FGF14: variants seen among roughly 807,000 people sequenced by gnomAD.
FGF14 encodes fibroblast growth factor 14.
Under a neutral mutation model 25.5 loss-of-function variants are expected in FGF14, and 5 were observed. The observed-to-expected ratio is 0.20, with a 90% CI of 0.10 to 0.41. The LOEUF is 0.41. Among genes scored for constraint, FGF14 ranks in the 10% least tolerant of loss-of-function variants. The probability of loss-of-function intolerance (pLI) is 1.00; values close to 1 mark genes in which losing one functional copy is unlikely to be tolerated. For synonymous variants in FGF14, 138 were observed against 118.3 expected (o/e 1.17, Z -1.08); for missense variants, 222 against 320.1 (o/e 0.69, Z 2.34).
intron 1 of FGF14, among the ~76,000 whole-genome samples, chr13:102,318,200 G>A (rs1374426364): frequency 6.6e-6 from 1 of 152,128 alleles, no homozygotes; most frequent in Non-Finnish European, 1.5e-5. Context: ...CAAGCAGTGG[G>A]AAGATCTAAA....
intron 1 of FGF14, among the ~76,000 whole-genome samples, chr13:102,262,061 C>A (rs1344153735): frequency 1.3e-5 from 2 of 152,150 alleles, no homozygotes; most frequent in East Asian, 1.9e-4. Flanking sequence ...GTAAATTCCA[C>A]TGAGCAAACA....
At chr13:102,293,918 T>C (rs2054560456) in intron 1 of FGF14, 2 of 152,146 alleles carry the variant, frequency 1.3e-5, no homozygotes, top group African/African-American at 4.8e-5. Context: ...ATTCAGAATG[T>C]CATATGATAC....
At chr13:101,771,300 C>G in intron 3 of FGF14, among the ~76,000 whole-genome samples, 1 of 152,022 alleles carries the variant, frequency 6.6e-6, no homozygotes, top group East Asian at 1.9e-4. Flanking sequence ...TACATTGAGG[C>G]TAATGAGACA....
intron 3 of FGF14, among the ~76,000 whole-genome samples, chr13:101,848,322 G>A (rs978427594): frequency 3.3e-5 from 5 of 151,922 alleles, no homozygotes; most frequent in African/African-American, 1.2e-4. Flanking sequence ...GAACATAAGA[G>A]TAATCTTATA....
intron 3 of FGF14, among the ~76,000 whole-genome samples, chr13:101,832,946 C>T (rs533944118): frequency 1.3e-5 from 2 of 152,136 alleles, no homozygotes; most frequent in South Asian, 4.1e-4. Context: ...CTCACAAATT[C>T]TAGTCAATTG....
intron 1 of FGF14, among the ~76,000 whole-genome samples, chr13:102,068,156 A>G (rs993949679): frequency 1.1e-4 from 17 of 152,270 alleles, no homozygotes; most frequent in Non-Finnish European, 2.2e-4. Context: ...AAGAAATGCT[A>G]AAGGTAGTTC....
intron 1 of FGF14, among the ~76,000 whole-genome samples, chr13:102,086,637 G>A (rs746001219): frequency 1.3e-5 from 2 of 152,150 alleles, no homozygotes; most frequent in Admixed American, 6.5e-5. Context: ...CAAAAAACCC[G>A]ATGTTTTTAA....
intron 1 of FGF14, among the ~76,000 whole-genome samples, chr13:102,390,877 C>A (rs1315302527): frequency 6.6e-6 from 1 of 152,028 alleles, no homozygotes. Context: ...TTACCATGCC[C>A]TAAAAGTCAT....
rs1458051984 is a variant in FGF14 at position 102,360,437 on chromosome 13, T to C, written c.208+41034A>G. ...GCATCGTGACTGAAAATTTTCCCTG[T>C]CATGGATGAGGTAGAGCAGGTTAAA... On this transcript the variant is annotated intron_variant, in intron 1 of 4. Transcript: ENST00000376131. 2.0e-5 allele frequency among the ~76,000 whole-genome samples: 3 copies of C among 152,178 alleles called. No homozygotes were observed. In the East Asian group the frequency reaches 5.8e-4, roughly 29 times the overall value.
intron 1 of FGF14, among the ~76,000 whole-genome samples, chr13:102,259,262 T>A (rs1207679063): frequency 6.6e-6 from 1 of 152,240 alleles, no homozygotes; most frequent in African/African-American, 2.4e-5. Context: ...CCAGCTGCCC[T>A]GTGGACACAA....
chr13:101,837,783 G>C (rs1459359561), intron 3 of FGF14, among the ~76,000 whole-genome samples: 1 of 152,004 alleles, frequency 6.6e-6, no homozygotes, highest in Non-Finnish European at 1.5e-5. Context: ...GTGTCAACTT[G>C]ATTGGATTGA....
intron 3 of FGF14, among the ~76,000 whole-genome samples, chr13:101,801,534 C>A (rs1434604628): frequency 6.6e-6 from 1 of 151,916 alleles, no homozygotes; most frequent in Non-Finnish European, 1.5e-5. Flanking sequence ...CAGATTTGGC[C>A]CAGGGATCAT....
intron 3 of FGF14, among the ~76,000 whole-genome samples, chr13:101,827,010 A>T (rs1409826440): frequency 6.6e-6 from 1 of 151,990 alleles, no homozygotes; most frequent in East Asian, 1.9e-4. Context: ...AGTAAATCTT[A>T]CTTTGTAGGA....
intron 3 of FGF14, among the ~76,000 whole-genome samples, chr13:101,850,268 T>C (rs2043685179): frequency 2.1e-5 from 1 of 47,984 alleles, no homozygotes; most frequent in East Asian, 6.5e-4. Context: ...ACCCTGCCTC[T>C]ACTAAAAATC....
intron 1 of FGF14, among the ~76,000 whole-genome samples, chr13:102,024,521 A>G (rs2094170): frequency 0.067 from 10,143 of 152,078 alleles, 1,102 homozygotes; most frequent in African/African-American, 0.23. Flanking sequence ...AATCTCTCAT[A>G]AGATACATGA....
At chr13:101,904,084 C>T (rs116876301) in intron 1 of FGF14, among the ~76,000 whole-genome samples, 1 of 152,166 alleles carries the variant, frequency 6.6e-6, no homozygotes, top group African/African-American at 2.4e-5. Flanking sequence ...AAAAGAAGAA[C>T]TGAAAGCTGA....
At chr13:102,134,448 A>G (rs1370646888) in intron 1 of FGF14, among the ~76,000 whole-genome samples, 1 of 152,260 alleles carries the variant, frequency 6.6e-6, no homozygotes, top group East Asian at 1.9e-4. Context: ...CCATACAGGC[A>G]AGCATGTATG....
intron 2 of FGF14, among the ~76,000 whole-genome samples, chr13:101,874,772 T>C (rs1318576148): frequency 6.6e-6 from 1 of 152,154 alleles, no homozygotes; most frequent in Non-Finnish European, 1.5e-5. Flanking sequence ...AAAACAAAAC[T>C]ATTCCTTGTA....
intron 3 of FGF14, among the ~76,000 whole-genome samples, chr13:101,743,563 A>T (rs1245678634): frequency 6.6e-6 from 1 of 152,212 alleles, no homozygotes; most frequent in Non-Finnish European, 1.5e-5. Context: ...TCTTTGAAGA[A>T]CTGATAAAGA....
Sources: allele counts gnomAD v4.1 joint callset (sites outside exome capture counted in the v4.1 genomes callset), GRCh38; gene constraint gnomAD v4.1.1; transcripts MANE v1.5; gene names NCBI Gene and HGNC (gene_info 2026-07-23, HGNC 2026-07-21).